Variants in TMPRSS11B observed in about 807,000 individuals in gnomAD.
TMPRSS11B encodes transmembrane protease serine 11B.
Under a neutral mutation model 44.7 loss-of-function variants are expected in TMPRSS11B, and 53 were observed. The ratio of observed to expected loss-of-function variants is 1.19; its 90% CI spans 0.95 to 1.49. The LOEUF is 1.49. Ranked by LOEUF, TMPRSS11B falls within the 40% of genes most tolerant of loss-of-function variation. The pLI is 0.00. For synonymous variants in TMPRSS11B, 140 were observed against 159.2 expected (o/e 0.88, Z 0.91); for missense variants, 526 against 494.8 (o/e 1.06, Z -0.60).
intron 2 of TMPRSS11B, among the ~76,000 whole-genome samples, chr4:68,238,241 C>T (rs1277855567): frequency 1.3e-5 from 2 of 151,942 alleles, no homozygotes; most frequent in African/African-American, 4.8e-5. Flanking sequence ...TTCCTATATT[C>T]CTATAGATTC....
At chr4:68,233,225 A>C (rs1266843105) in intron 5 of TMPRSS11B, among the ~76,000 whole-genome samples, 1 of 152,008 alleles carries the variant, frequency 6.6e-6, no homozygotes, top group African/African-American at 2.4e-5. Context: ...GCTCCCTTGA[A>C]AAGTTCTACC....
chr4:68,239,327 C>G, intron 2 of TMPRSS11B, among the ~76,000 whole-genome samples: 1 of 152,164 alleles, frequency 6.6e-6, no homozygotes, highest in Non-Finnish European at 1.5e-5. Context: ...CACTCACTCA[C>G]TTCACCCCAT....
intron 6 of TMPRSS11B, among the ~76,000 whole-genome samples, chr4:68,231,647 C>T (rs542752669): frequency 6.6e-6 from 1 of 152,240 alleles, no homozygotes; most frequent in East Asian, 1.9e-4. Context: ...TCTCTCTAAG[C>T]AGATTCTTGA....
chr4:68,229,692 A>G (rs1719456861), intron 7 of TMPRSS11B, 176 bp from the exon 8 acceptor site: 1 of 531,958 alleles, frequency 1.9e-6, no homozygotes, highest in African/African-American at 1.9e-5. Flanking sequence ...GCAGTCACTT[A>G]AAAATAATGC....
At chr4:68,231,660 G>T (rs1352013065) in intron 6 of TMPRSS11B, among the ~76,000 whole-genome samples, 2 of 152,134 alleles carry the variant, frequency 1.3e-5, no homozygotes, top group African/African-American at 4.8e-5. Context: ...ATTCTTGAAG[G>T]AGGAGCTTTG....
chr4:68,241,903 T>G (rs534636453), intron 1 of TMPRSS11B, 99 bp from the exon 2 acceptor site: 7 of 713,710 alleles, frequency 9.8e-6, no homozygotes, highest in Non-Finnish European at 1.8e-5. Context: ...GTTTATACAT[T>G]AGTCCTTTAT....
At chr4:68,230,769 A>C (rs529014094) in intron 7 of TMPRSS11B, among the ~76,000 whole-genome samples, 1 of 149,678 alleles carries the variant, frequency 6.7e-6, no homozygotes, top group Non-Finnish European at 1.5e-5. Flanking sequence ...GCACCATTGC[A>C]CTCCAACCTG....
chr4:68,234,408 A>G, intron 5 of TMPRSS11B, 55 bp downstream of exon 5: 1 of 1,544,052 alleles, frequency 6.5e-7, no homozygotes. Flanking sequence ...ACTTTTTAAA[A>G]AAATAATCCA....
chr4:68,238,498 G>T (rs1719734367), intron 2 of TMPRSS11B, among the ~76,000 whole-genome samples: 1 of 151,430 alleles, frequency 6.6e-6, no homozygotes, highest in African/African-American at 2.4e-5. Context: ...AGAGGTGAGA[G>T]GATCACTTGA....
At chr4:68,229,578 G>T in intron 7 of TMPRSS11B, 62 bp from the exon 8 acceptor site, 1 of 1,443,300 alleles carries the variant, frequency 6.9e-7, no homozygotes, top group Non-Finnish European at 9.3e-7. Context: ...GTTCTTAGTG[G>T]TGATTATCTC....
At chr4:68,240,490 C>T (rs1421170686) in intron 2 of TMPRSS11B, among the ~76,000 whole-genome samples, 1 of 152,110 alleles carries the variant, frequency 6.6e-6, no homozygotes, top group Non-Finnish European at 1.5e-5. Context: ...TTCTGTAGTT[C>T]CCCTTTGCAC....
chr4:68,235,087 A>G (rs1361005739), intron 4 of TMPRSS11B, among the ~76,000 whole-genome samples: 1 of 152,190 alleles, frequency 6.6e-6, no homozygotes, highest in African/African-American at 2.4e-5. Context: ...TTTTTTATAC[A>G]TAACCAGTCT....
chr4:68,244,275 G>A (rs925539185), intron 1 of TMPRSS11B, among the ~76,000 whole-genome samples: 1 of 152,184 alleles, frequency 6.6e-6, no homozygotes, highest in East Asian at 1.9e-4. Context: ...AACCAACTTC[G>A]TGTACTTAAC....
At chr4:68,232,246 TG>T in intron 6 of TMPRSS11B, 131 bp downstream of exon 6, 1 of 646,908 alleles carries the variant, frequency 1.5e-6, no homozygotes, top group Non-Finnish European at 2.5e-6. Flanking sequence ...AGTCAATATC[TG>T]GTATATCTAG....
rs1719385496 is a variant in TMPRSS11B at position 68,227,489 on chromosome 4, A to G, written c.*422T>C. On this transcript the variant is annotated 3_prime_UTR_variant, in exon 10 of 10. Transcript: ENST00000332644. ...TGGTGGCGCAATCACAAATCACCAC[A>G]GCCTCAACCTGCTGGGCTCAAGCAA... 6.8e-6 allele frequency: 1 copy of G among 146,930 alleles called. No individual in the cohort carries two copies. Among genetic ancestry groups the G allele is most frequent in the African/African-American group, 2.5e-5 (1 of 39,386 alleles). 9.1% of individuals were successfully genotyped at this position (146,930 alleles called of 1,614,324 possible).
Position 68,234,560 on chromosome 4 carries a change from T to G in TMPRSS11B, c.372A>C (p.Gly124=). ...QLKFKFPPAE[G]VSMRTKIKAK... ...CCTTGATTTTAGTCCTCATGCTAAC[T>G]CCTTCTGCTGGAGGAAACTTGAATT... Residue 124 remains glycine, a synonymous_variant, in exon 5 of 10, where the codon GGA becomes GGC. Coordinates refer to ENST00000332644, the MANE Select transcript of TMPRSS11B (RefSeq NM_182502.3). The G allele has an allele frequency of 6.2e-7, 1 of 1,614,016 alleles. No individual in the cohort carries two copies. The highest frequency in any genetic ancestry group is 8.5e-7 in the Non-Finnish European group (1 of 1,179,960).
chr4:68,230,065 C>G (rs550504299), intron 7 of TMPRSS11B, among the ~76,000 whole-genome samples: 2 of 152,152 alleles, frequency 1.3e-5, no homozygotes, highest in Non-Finnish European at 2.9e-5. Context: ...TAGCCTGCAA[C>G]TGCATCCATG....
intron 1 of TMPRSS11B, among the ~76,000 whole-genome samples, chr4:68,242,266 A>AT (rs1231771684): frequency 2.2e-4 from 7 of 31,404 alleles, no homozygotes; most frequent in Non-Finnish European, 2.7e-4. Flanking sequence ...TAATATATAT[A>AT]ATATAATATT....
intron 1 of TMPRSS11B, among the ~76,000 whole-genome samples, chr4:68,242,188 T>G (rs1201292764): frequency 2.1e-5 from 2 of 97,342 alleles, no homozygotes; most frequent in Middle Eastern, 4.3e-3. Context: ...TAGACACAAT[T>G]AAATACATAA....
Sources: allele counts gnomAD v4.1 joint callset (sites outside exome capture counted in the v4.1 genomes callset), GRCh38; gene constraint gnomAD v4.1.1; transcripts MANE v1.5; gene names NCBI Gene and HGNC (gene_info 2026-07-23, HGNC 2026-07-21).